BORA: variants seen among roughly 807,000 people sequenced by gnomAD.
The protein encoded by BORA is protein aurora borealis.
BORA carries 26 observed loss-of-function variants against 55.8 expected under a neutral mutation model. That is an observed-to-expected ratio of 0.47 (90% CI 0.34 to 0.65). The LOEUF (loss-of-function observed/expected upper bound fraction) is 0.65, where lower values mean the gene tolerates loss of function less well. Ranked by LOEUF, BORA falls within the 30% of genes least tolerant of loss-of-function variation. The probability of loss-of-function intolerance (pLI) is 0.01; values close to 1 mark genes in which losing one functional copy is unlikely to be tolerated. For missense variants in BORA, 568 were observed against 671.5 expected (o/e 0.85, Z 1.70); for synonymous variants, 201 against 216.9 (o/e 0.93, Z 0.64).
At chr13:72,730,691 A>G (rs1326608915) in intron 2 of BORA, among the ~76,000 whole-genome samples, 3 of 152,148 alleles carry the variant, frequency 2.0e-5, no homozygotes, top group Admixed American at 6.5e-5. Flanking sequence ...TGAAAGTTTT[A>G]TATCTTTATT....
At chr13:72,735,434 C>T (rs761896932) in intron 4 of BORA, among the ~76,000 whole-genome samples, 1 of 151,888 alleles carries the variant, frequency 6.6e-6, no homozygotes, top group Non-Finnish European at 1.5e-5. Context: ...ATGGCTTTGT[C>T]TTTTTTTGTT....
intron 5 of BORA, among the ~76,000 whole-genome samples, chr13:72,738,921 A>G (rs184975637): frequency 1.1e-4 from 16 of 152,340 alleles, no homozygotes; most frequent in African/African-American, 3.8e-4. Flanking sequence ...TACAGAGATG[A>G]TAAAAGTGGG....
chr13:72,743,808 T>C (rs1054197705), intron 6 of BORA, among the ~76,000 whole-genome samples: 4 of 151,972 alleles, frequency 2.6e-5, no homozygotes, highest in African/African-American at 9.7e-5. Flanking sequence ...CATTGCAACC[T>C]TGACTTCCCG....
chr13:72,735,622 T>C (rs7981481), intron 4 of BORA, among the ~76,000 whole-genome samples: 16,061 of 152,168 alleles, frequency 0.11, 2,393 homozygotes, highest in African/African-American at 0.34. Context: ...TATTTTTTGT[T>C]TTTTGAGACG....
intron 4 of BORA, among the ~76,000 whole-genome samples, chr13:72,736,405 G>C (rs994192688): frequency 1.3e-5 from 2 of 151,992 alleles, no homozygotes; most frequent in African/African-American, 4.8e-5. Flanking sequence ...TGTACTTTCA[G>C]ATTAATTTTA....
chr13:72,727,970 C>CT lies in BORA; in HGVS notation c.-52dup. On this transcript the variant is annotated 5_prime_UTR_variant, in exon 1 of 12. Coordinates refer to ENST00000390667, the MANE Select transcript of BORA (RefSeq NM_024808.5). ...AAGCTGGCCTGGCCCCCGGAGCTCC[C>CT]TGGAGTCGGTACTGGGGGCTTCGTT... 6.4e-7 allele frequency: 1 copy of CT among 1,550,624 alleles called. No homozygotes were observed. The highest frequency in any genetic ancestry group is 8.7e-7 in the Non-Finnish European group (1 of 1,146,990).
chr13:72,729,284 ATT>A (rs11358027), intron 2 of BORA, among the ~76,000 whole-genome samples, 191 bp downstream of exon 2: 172 of 149,534 alleles, frequency 1.2e-3, no homozygotes, highest in African/African-American at 1.7e-3. Context: ...TAGCTAGAAG[ATT>A]TTTTTTTTTT....
At chr13:72,732,849 A>G (rs2032847651) in intron 3 of BORA, among the ~76,000 whole-genome samples, 1 of 152,174 alleles carries the variant, frequency 6.6e-6, no homozygotes, top group South Asian at 2.1e-4. Context: ...GACAATTATT[A>G]TATTGATCAG....
chr13:72,728,231 G>A (rs1489200872), intron 1 of BORA: 2 of 721,698 alleles, frequency 2.8e-6, no homozygotes, highest in Non-Finnish European at 5.0e-6. Flanking sequence ...CCTTCCAGAA[G>A]TAGACTCTTT....
At chr13:72,750,846 G>A (rs561704536) in intron 10 of BORA, among the ~76,000 whole-genome samples, 2 of 152,190 alleles carry the variant, frequency 1.3e-5, no homozygotes, top group African/African-American at 4.8e-5. Flanking sequence ...ATGCAAGAGG[G>A]GGTAGAATCT....
At chr13:72,753,862 T>C (rs1202357466) in intron 11 of BORA, 41 bp downstream of exon 11, 6 of 1,534,254 alleles carry the variant, frequency 3.9e-6, no homozygotes, top group Non-Finnish European at 5.3e-6. Context: ...TTGTTTAGAT[T>C]AGAAATATAA....
chr13:72,737,818 TC>T, intron 4 of BORA, 143 bp from the exon 5 acceptor site: 1 of 280,596 alleles, frequency 3.6e-6, no homozygotes, highest in East Asian at 6.3e-5. Flanking sequence ...CTTCCATTTT[TC>T]CTTTGGTCAT....
intron 5 of BORA, among the ~76,000 whole-genome samples, 156 bp downstream of exon 5, chr13:72,738,199 T>A (rs1229291357): frequency 1.3e-5 from 2 of 152,294 alleles, no homozygotes; most frequent in African/African-American, 4.8e-5. Flanking sequence ...GAATTAAAAA[T>A]TTGACTAAAA....
chr13:72,752,003 A>G (rs1291128954), intron 10 of BORA, among the ~76,000 whole-genome samples: 2 of 152,320 alleles, frequency 1.3e-5, no homozygotes, highest in South Asian at 2.1e-4. Flanking sequence ...ATGTTATCAC[A>G]GGGCACAACT....
chr13:72,750,901 G>C (rs1230771451), intron 10 of BORA, among the ~76,000 whole-genome samples: 1 of 152,160 alleles, frequency 6.6e-6, no homozygotes, highest in Non-Finnish European at 1.5e-5. Context: ...CATGTTTAAA[G>C]GAGGGCAGGG....
chr13:72,744,411 T>C (rs1281795779), intron 6 of BORA, 94 bp from the exon 7 acceptor site: 2 of 1,012,874 alleles, frequency 2.0e-6, no homozygotes, highest in Admixed American at 2.1e-5. Flanking sequence ...CACGGGGAGA[T>C]GATTGACTGG....
rs61213189 is a variant in BORA, at chr13:72,755,141, T to A, written c.1615-10T>A. ...AAACTGAAAACAAGGTATTGTCTTCTTTTTCACAGCAAGACCACACAACAC... is the reference window on the plus strand; with the variant it reads ...AAACTGAAAACAAGGTATTGTCTTCATTTTCACAGCAAGACCACACAACAC... On this transcript the variant is annotated splice_polypyrimidine_tract_variant and intron_variant, in intron 11 of 11. Coordinates refer to ENST00000390667, the MANE Select transcript of BORA (RefSeq NM_024808.5). The A allele has an allele frequency of 1.9e-6, 3 of 1,613,054 alleles. No individual in the cohort carries two copies. Among genetic ancestry groups the A allele is most frequent in the African/African-American group, 2.7e-5 (2 of 74,906 alleles).
At chr13:72,728,282 T>C in intron 1 of BORA, 1 of 671,728 alleles carries the variant, frequency 1.5e-6, no homozygotes, top group Non-Finnish European at 2.7e-6. Context: ...GTAGCCTCCT[T>C]TGATTGCAAG....
In BORA at chr13:72,744,961, TCTC is replaced by T; in HGVS notation, c.512-17_512-15del. ...CTTTAAAATGACTAGCTTTGCCTTT[TCTC>T]CTATTATTAAATATAGGTGACTATT... On this transcript the variant is annotated splice_polypyrimidine_tract_variant and intron_variant, in intron 7 of 11. Coordinates refer to ENST00000390667, the MANE Select transcript of BORA (RefSeq NM_024808.5). 1.2e-6 allele frequency: 2 copies of T among 1,602,282 alleles called. No homozygotes were observed. The highest frequency in any genetic ancestry group is 1.7e-6 in the Non-Finnish European group (2 of 1,170,792).
Sources: allele counts gnomAD v4.1 joint callset (sites outside exome capture counted in the v4.1 genomes callset), GRCh38; gene constraint gnomAD v4.1.1; transcripts MANE v1.5; gene names NCBI Gene and HGNC (gene_info 2026-07-23, HGNC 2026-07-21).